The following LRRC4C variants were observed in gnomAD, a reference collection of about 807,000 sequenced individuals.
LRRC4C encodes leucine rich repeat containing 4C, also known as leucine-rich repeat-containing protein 4C.
Under a neutral mutation model 33.6 loss-of-function variants are expected in LRRC4C, and 5 were observed. The ratio of observed to expected loss-of-function variants is 0.15; its 90% confidence interval spans 0.08 to 0.31. The LOEUF (loss-of-function observed/expected upper bound fraction) is 0.31. Ranked by LOEUF, LRRC4C falls within the 10% of genes least tolerant of loss-of-function variation. The pLI, the probability that LRRC4C is intolerant of heterozygous loss-of-function variation, is 1.00. For synonymous variants in LRRC4C, 329 were observed against 302.0 expected (o/e 1.09, Z -0.93); for missense variants, 560 against 796.7 (o/e 0.70, Z 3.58).
chr11:40,649,189 C>T (rs963934999), intron 2 of LRRC4C, among the ~76,000 whole-genome samples: 1 of 152,082 alleles, frequency 6.6e-6, no homozygotes, highest in African/African-American at 2.4e-5. Context: ...AAAAATTTAC[C>T]AGGCTGGAAT....
chr11:41,401,928 A>G (rs1954040681), intron 1 of LRRC4C, among the ~76,000 whole-genome samples: 1 of 151,978 alleles, frequency 6.6e-6, no homozygotes, highest in Non-Finnish European at 1.5e-5. Context: ...TTACATCCTA[A>G]GAGACTTTCC....
intron 2 of LRRC4C, among the ~76,000 whole-genome samples, chr11:40,767,035 GAA>G (rs35118005): frequency 3.3e-5 from 5 of 149,338 alleles, no homozygotes; most frequent in African/African-American, 1.2e-4. Flanking sequence ...GCTGGATGGA[GAA>G]AAAAAAAAGA....
At chr11:40,504,401 T>C (rs943269524) in intron 3 of LRRC4C, among the ~76,000 whole-genome samples, 1 of 152,058 alleles carries the variant, frequency 6.6e-6, no homozygotes, top group Non-Finnish European at 1.5e-5. Flanking sequence ...ACGGTCATAA[T>C]TATCCATCCT....
chr11:41,335,950 T>G (rs1951438569), intron 1 of LRRC4C, among the ~76,000 whole-genome samples: 1 of 152,198 alleles, frequency 6.6e-6, no homozygotes, highest in African/African-American at 2.4e-5. Flanking sequence ...CTTTAACGAT[T>G]GAAATGAATG....
At chr11:41,284,246 T>C (rs1046559661) in intron 1 of LRRC4C, among the ~76,000 whole-genome samples, 4 of 152,152 alleles carry the variant, frequency 2.6e-5, no homozygotes, top group African/African-American at 9.7e-5. Flanking sequence ...ATCACGAATA[T>C]AAAAAAGATA....
intron 2 of LRRC4C, among the ~76,000 whole-genome samples, chr11:40,749,168 C>A (rs1267849165): frequency 1.3e-5 from 2 of 152,098 alleles, no homozygotes; most frequent in Non-Finnish European, 2.9e-5. Flanking sequence ...CTACAGAATA[C>A]ATATTCTTCT....
At chr11:40,637,994 G>C (rs55910438) in intron 3 of LRRC4C, among the ~76,000 whole-genome samples, 1 of 152,026 alleles carries the variant, frequency 6.6e-6, no homozygotes, top group African/African-American at 2.4e-5. Context: ...TACTGGAAAG[G>C]TTTTCTCCCA....
chr11:40,889,945 C>G (rs915027047), intron 2 of LRRC4C, among the ~76,000 whole-genome samples: 2 of 152,146 alleles, frequency 1.3e-5, no homozygotes, highest in Non-Finnish European at 2.9e-5. Context: ...AACTCTAATA[C>G]AGCACAGAAC....
chr11:40,391,944 A>C (rs1718362371), intron 3 of LRRC4C, among the ~76,000 whole-genome samples: 2 of 152,212 alleles, frequency 1.3e-5, no homozygotes, highest in African/African-American at 4.8e-5. Context: ...ACATTCATAC[A>C]ATGAAATATT....
At chr11:40,376,064 A>G (rs1198098032) in intron 3 of LRRC4C, among the ~76,000 whole-genome samples, 1 of 152,204 alleles carries the variant, frequency 6.6e-6, no homozygotes, top group African/African-American at 2.4e-5. Flanking sequence ...TGTGCATGAA[A>G]CAGAAATATT....
At chr11:40,790,046 A>T (rs1950563066) in intron 2 of LRRC4C, among the ~76,000 whole-genome samples, 1 of 152,252 alleles carries the variant, frequency 6.6e-6, no homozygotes, top group Non-Finnish European at 1.5e-5. Context: ...GATTGGAACA[A>T]TATTAGAAAA....
intron 5 of LRRC4C, among the ~76,000 whole-genome samples, chr11:40,174,830 AG>A (rs1253409873): frequency 6.6e-6 from 1 of 152,208 alleles, no homozygotes; most frequent in Admixed American, 6.5e-5. Flanking sequence ...CCCAGGGGAC[AG>A]GTCAAATAGT....
chr11:40,667,140 A>G (rs1565616919), intron 2 of LRRC4C, among the ~76,000 whole-genome samples: 2 of 152,224 alleles, frequency 1.3e-5, no homozygotes. Flanking sequence ...TGTTAGGGCT[A>G]AAGACTCATT....
At chr11:40,932,895 G>A (rs1005923687) in intron 2 of LRRC4C, among the ~76,000 whole-genome samples, 1 of 152,108 alleles carries the variant, frequency 6.6e-6, no homozygotes, top group African/African-American at 2.4e-5. Context: ...ATATCCAAGA[G>A]GTATGAGCAA....
At chr11:41,391,537 A>G (rs1299198956) in intron 1 of LRRC4C, among the ~76,000 whole-genome samples, 1 of 151,996 alleles carries the variant, frequency 6.6e-6, no homozygotes, top group Admixed American at 6.6e-5. Flanking sequence ...TAATGAAGGC[A>G]TGAATGATGC....
chr11:40,254,139 C>G (rs1402638126), intron 4 of LRRC4C, among the ~76,000 whole-genome samples: 1 of 152,118 alleles, frequency 6.6e-6, no homozygotes, highest in East Asian at 1.9e-4. Context: ...TGGTTGTGTG[C>G]CCAGAAAGGT....
At chr11:40,369,938 A>G (rs1434452569) in intron 3 of LRRC4C, among the ~76,000 whole-genome samples, 1 of 152,222 alleles carries the variant, frequency 6.6e-6, no homozygotes, top group African/African-American at 2.4e-5. Flanking sequence ...AAAAAAGTGG[A>G]AGATGTACCA....
chr11:40,924,364 T>C (rs1274273264), intron 2 of LRRC4C, among the ~76,000 whole-genome samples: 4 of 152,010 alleles, frequency 2.6e-5, no homozygotes, highest in East Asian at 1.9e-4. Flanking sequence ...TTATTCAGCA[T>C]GCAGCTTGAA....
intron 3 of LRRC4C, among the ~76,000 whole-genome samples, chr11:40,449,158 G>T (rs542562196): frequency 3.3e-5 from 5 of 152,060 alleles, no homozygotes; most frequent in Non-Finnish European, 7.4e-5. Flanking sequence ...TTCTCAGATG[G>T]TTAGATTGCA....
Sources: gnomAD v4.1 joint callset for allele counts (sites outside exome capture counted in the v4.1 genomes callset) on GRCh38, gnomAD v4.1.1 for gene constraint, MANE v1.5 for transcripts, NCBI Gene and HGNC (gene_info 2026-07-23, HGNC 2026-07-21) for gene names.